Variants in PTPDC1 observed in about 807,000 individuals in gnomAD.
PTPDC1 encodes the protein protein tyrosine phosphatase domain containing 1, also known as protein tyrosine phosphatase domain-containing protein 1.
Under a neutral mutation model 75.3 loss-of-function variants are expected in PTPDC1, and 53 were observed. That is an observed-to-expected ratio of 0.70 (90% CI 0.56 to 0.88). The LOEUF (loss-of-function observed/expected upper bound fraction) is 0.88, where lower values mean the gene tolerates loss of function less well. PTPDC1 is among the 40% of genes least tolerant of loss of function. The pLI, the probability that PTPDC1 is intolerant of heterozygous loss-of-function variation, is 0.00. For missense variants in PTPDC1, 925 were observed against 998.6 expected (o/e 0.93, Z 0.99); for synonymous variants, 349 against 366.2 (o/e 0.95, Z 0.54).
intron 1 of PTPDC1, among the ~76,000 whole-genome samples, chr9:94,033,021 C>G (rs1829756853): frequency 6.6e-6 from 1 of 152,064 alleles, no homozygotes; most frequent in South Asian, 2.1e-4. Context: ...GCCACCACGC[C>G]CAGCTACTTT....
At chr9:94,100,596 A>C (rs564671913) in intron 6 of PTPDC1, 43 of 152,220 alleles carry the variant, frequency 2.8e-4, no homozygotes, top group African/African-American at 1.0e-3. Flanking sequence ...CTCCTAGGTG[A>C]GTTATTTCAT....
intron 2 of PTPDC1, among the ~76,000 whole-genome samples, chr9:94,076,334 C>T (rs142519949): frequency 1.7e-3 from 262 of 152,256 alleles, no homozygotes; most frequent in African/African-American, 6.0e-3. Flanking sequence ...CACCAGCTGC[C>T]ATTTGTTGTT....
intron 4 of PTPDC1, among the ~76,000 whole-genome samples, chr9:94,091,675 T>C (rs574824968): frequency 2.2e-4 from 33 of 152,374 alleles, no homozygotes; most frequent in African/African-American, 7.9e-4. Context: ...TTCCTCCTTA[T>C]ACCTCTGGTA....
intron 5 of PTPDC1, 113 bp downstream of exon 5, chr9:94,095,567 A>T (rs1827533666): frequency 1.3e-6 from 1 of 795,226 alleles, no homozygotes; most frequent in Non-Finnish European, 2.0e-6. Context: ...CTTTGGAGTC[A>T]GGTGGAAGAA....
chr9:94,078,838 A>T (rs1002814720), intron 2 of PTPDC1, among the ~76,000 whole-genome samples: 2 of 152,098 alleles, frequency 1.3e-5, no homozygotes, highest in East Asian at 1.9e-4. Flanking sequence ...TAAAATTCCC[A>T]TCTCTTTATT....
intron 1 of PTPDC1, among the ~76,000 whole-genome samples, chr9:94,058,817 C>T (rs1662283036): frequency 6.6e-6 from 1 of 152,042 alleles, no homozygotes; most frequent in Admixed American, 6.5e-5. Flanking sequence ...GGCAAAACCC[C>T]ATCTCTATAA....
At chr9:94,076,194 T>A (rs1341352683) in intron 2 of PTPDC1, among the ~76,000 whole-genome samples, 1 of 152,144 alleles carries the variant, frequency 6.6e-6, no homozygotes, top group African/African-American at 2.4e-5. Context: ...GAGACAGGGT[T>A]TCACCATGTT....
chr9:94,045,735 T>C (rs1242614017), intron 1 of PTPDC1, among the ~76,000 whole-genome samples: 1 of 152,222 alleles, frequency 6.6e-6, no homozygotes, highest in Non-Finnish European at 1.5e-5. Flanking sequence ...TTGTAGATTC[T>C]GGATATTAGC....
At chr9:94,091,710 T>A (rs1827327145) in intron 4 of PTPDC1, among the ~76,000 whole-genome samples, 1 of 152,202 alleles carries the variant, frequency 6.6e-6, no homozygotes, top group Admixed American at 6.5e-5. Flanking sequence ...ATCCATCTGG[T>A]CCTGTACTCT....
chr9:94,075,210 G>A (rs1197781909), intron 2 of PTPDC1, among the ~76,000 whole-genome samples: 5 of 152,276 alleles, frequency 3.3e-5, no homozygotes, highest in Non-Finnish European at 7.4e-5. Context: ...TCCAATTGGG[G>A]TATGGAAAAT....
At chr9:94,107,293 A>G (rs1828056567) in intron 8 of PTPDC1, among the ~76,000 whole-genome samples, 1 of 152,226 alleles carries the variant, frequency 6.6e-6, no homozygotes, top group Non-Finnish European at 1.5e-5. Flanking sequence ...TGTTAGACTC[A>G]TAGATACGCT....
At chr9:94,054,454 C>T (rs949097401) in intron 1 of PTPDC1, among the ~76,000 whole-genome samples, 1 of 152,130 alleles carries the variant, frequency 6.6e-6, no homozygotes, top group Non-Finnish European at 1.5e-5. Flanking sequence ...AAAGCTAATA[C>T]GTGCCAACTC....
chr9:94,074,918 G>T (rs1164004103), intron 2 of PTPDC1, among the ~76,000 whole-genome samples: 1 of 152,178 alleles, frequency 6.6e-6, no homozygotes, highest in African/African-American at 2.4e-5. Context: ...GCACAGCTTT[G>T]TTCAGTGTCC....
intron 3 of PTPDC1, 37 bp downstream of exon 3, chr9:94,087,948 T>C (rs773901288): frequency 3.8e-6 from 6 of 1,566,992 alleles, no homozygotes; most frequent in East Asian, 2.2e-5. Context: ...GTGAGCAAAC[T>C]CATGTGTTTT....
In PTPDC1 at chr9:94,087,927, T is replaced by C. The variant is rs1490550634; in HGVS notation, c.497+16T>C. 1.3e-6 allele frequency: 2 copies of C among 1,598,804 alleles called. No homozygotes were observed. Among genetic ancestry groups the C allele is most frequent in the South Asian group, 1.1e-5 (1 of 90,554 alleles). Reference sequence around the variant, plus strand: ...AGTTCCTCAGGTAAATGCTGTATTGTTCACACACGAGTGAGCAAACTCATG... The same window carrying C: ...AGTTCCTCAGGTAAATGCTGTATTGCTCACACACGAGTGAGCAAACTCATG... On this transcript the variant is annotated intron_variant, in intron 3 of 8. Coordinates refer to ENST00000620992, the MANE Select transcript of PTPDC1 (RefSeq NM_001253829.2).
chr9:94,105,994 T>TCA (rs1482264123), intron 8 of PTPDC1, among the ~76,000 whole-genome samples: 2 of 151,830 alleles, frequency 1.3e-5, no homozygotes, highest in African/African-American at 2.4e-5. Context: ...AGTAAACAAT[T>TCA]CACACCATTA....
chr9:94,041,850 A>G (rs982044834), intron 1 of PTPDC1, among the ~76,000 whole-genome samples: 9 of 152,190 alleles, frequency 5.9e-5, no homozygotes, highest in Non-Finnish European at 1.0e-4. Context: ...GGAAAATAGT[A>G]TTAGAAACCA....
rs772766143 is a variant in PTPDC1 at position 94,101,619 on chromosome 9, C to A, written c.2067C>A (p.Asp689Glu). 4.3e-6 allele frequency: 7 copies of A among 1,613,450 alleles called. No homozygotes were observed. Among genetic ancestry groups the A allele is most frequent in the Non-Finnish European group, 5.9e-6 (7 of 1,179,604 alleles). ...GAWERICGER[D>E]PFILCSLMWS... is the part of the protein sequence containing the mutation. ...GGGAAAGAATATGTGGCGAGAGGGA[C>A]CCTTTCATCCTATGCAGCTTGATGT... Residue 689 changes from aspartate (D) to glutamate (E), a missense_variant, in exon 7 of 9, where the codon GAC becomes GAA. By Grantham distance (45) the Asp-to-Glu change is conservative. Coordinates refer to ENST00000620992, the MANE Select transcript of PTPDC1 (RefSeq NM_001253829.2).
At chr9:94,069,182 C>A (rs996341768) in intron 2 of PTPDC1, among the ~76,000 whole-genome samples, 1 of 152,098 alleles carries the variant, frequency 6.6e-6, no homozygotes, top group African/African-American at 2.4e-5. Context: ...TTTTAGGGGA[C>A]AAAGCTGGGA....
Sources: gnomAD v4.1 joint callset for allele counts (sites outside exome capture counted in the v4.1 genomes callset) on GRCh38, gnomAD v4.1.1 for gene constraint, MANE v1.5 for transcripts, NCBI Gene and HGNC (gene_info 2026-07-23, HGNC 2026-07-21) for gene names.